The following BLTP1 variants were observed in gnomAD, a reference collection of about 807,000 sequenced individuals.
BLTP1 encodes the protein fragile site-associated protein.
chr4:122,204,027 A>G, the BLTP1 span: 270 of 191,334 alleles, frequency 1.4e-3, 7 homozygotes, highest in South Asian at 0.047. Flanking sequence ...GATAAAATAC[A>G]ACCAATATAC....
At chr4:122,333,598 TAA>T in the BLTP1 span, 5 of 1,549,098 alleles carry the variant, frequency 3.2e-6, no homozygotes, top group Non-Finnish European at 4.3e-6. Context: ...TGTCATTTTT[TAA>T]AAAGATAAGA....
chr4:122,357,284 T>TG, the BLTP1 span, among the ~76,000 whole-genome samples: 411 of 152,216 alleles, frequency 2.7e-3, 2 homozygotes, highest in African/African-American at 9.5e-3. Flanking sequence ...GTATGGTGGC[T>TG]GGGGGCGGTG....
the BLTP1 span, among the ~76,000 whole-genome samples, chr4:122,215,072 C>A: frequency 6.6e-6 from 1 of 152,158 alleles, no homozygotes; most frequent in African/African-American, 2.4e-5. Context: ...TCAGTAACTA[C>A]AAATGTATTA....
the BLTP1 span, chr4:122,192,086 G>A: frequency 8.5e-6 from 6 of 703,286 alleles, no homozygotes; most frequent in Non-Finnish European, 1.3e-5. Context: ...GACAATATGA[G>A]AACAACCCCT....
chr4:122,330,732 C>CT, the BLTP1 span, among the ~76,000 whole-genome samples: 1 of 151,800 alleles, frequency 6.6e-6, no homozygotes, highest in South Asian at 2.1e-4. Flanking sequence ...TCCCACTTGT[C>CT]TTTTTTTACT....
At chr4:122,152,521 A>G in the BLTP1 span, 2 of 985,844 alleles carry the variant, frequency 2.0e-6, no homozygotes, top group South Asian at 4.7e-5. Flanking sequence ...GCCGCCGCCC[A>G]AGGCCCTCGG....
At chr4:122,334,845 C>T in the BLTP1 span, among the ~76,000 whole-genome samples, 1 of 151,918 alleles carries the variant, frequency 6.6e-6, no homozygotes, top group African/African-American at 2.4e-5. Context: ...AATTTGGGAG[C>T]TTATGAGCAG....
the BLTP1 span, chr4:122,264,194 T>C: frequency 1.3e-6 from 2 of 1,498,020 alleles, no homozygotes; most frequent in Non-Finnish European, 1.8e-6. Flanking sequence ...CTGTACACTT[T>C]TATGTGTTTC....
the BLTP1 span, chr4:122,261,550 A>G: frequency 1.0e-6 from 1 of 984,214 alleles, no homozygotes; most frequent in Non-Finnish European, 1.2e-6. Flanking sequence ...ATTTTTTTTC[A>G]TTAATTGTGG....
At chr4:122,313,613 G>T in the BLTP1 span, 1 of 1,564,834 alleles carries the variant, frequency 6.4e-7, no homozygotes, top group Non-Finnish European at 8.7e-7. Flanking sequence ...TATTTTTGGG[G>T]TGATTTTTGT....
At chr4:122,340,901 C>CT in the BLTP1 span, 1 of 847,458 alleles carries the variant, frequency 1.2e-6, no homozygotes, top group Non-Finnish European at 1.4e-6. Context: ...GTGTTGTCAG[C>CT]GATAACACTA....
At chr4:122,341,583 GC>G in the BLTP1 span, 1 of 708,408 alleles carries the variant, frequency 1.4e-6, no homozygotes, top group Non-Finnish European at 1.7e-6. Context: ...AATTTTTTAT[GC>G]CCAAATTTTA....
At chr4:122,224,313 A>G in the BLTP1 span, 1 of 318,382 alleles carries the variant, frequency 3.1e-6, no homozygotes, top group East Asian at 1.7e-4. Context: ...GGTATTGTTC[A>G]TTAAAGATGC....
At chr4:122,180,151 A>G in the BLTP1 span, 2 of 985,250 alleles carry the variant, frequency 2.0e-6, no homozygotes, top group Non-Finnish European at 2.4e-6. Context: ...AGGTAAATAA[A>G]TAGTAGAAAG....
chr4:122,173,173 A>G, the BLTP1 span: 3 of 1,599,630 alleles, frequency 1.9e-6, no homozygotes, highest in South Asian at 3.4e-5. Flanking sequence ...GTTAACACTG[A>G]ATTTTTTTCT....
the BLTP1 span, among the ~76,000 whole-genome samples, chr4:122,173,684 G>T: frequency 6.6e-6 from 1 of 152,220 alleles, no homozygotes; most frequent in South Asian, 2.1e-4. Flanking sequence ...AATCTAACTG[G>T]AATTTCTCTC....
At chr4:122,280,726 C>T in the BLTP1 span, among the ~76,000 whole-genome samples, 3 of 151,104 alleles carry the variant, frequency 2.0e-5, no homozygotes, top group African/African-American at 7.3e-5. Context: ...TTTTATTTCC[C>T]ACATCCTATA....
chr4:122,169,715 A>G, the BLTP1 span: 8 of 983,204 alleles, frequency 8.1e-6, no homozygotes, highest in African/African-American at 7.0e-5. Context: ...ATATGCACAC[A>G]TATGTGTATG....
the BLTP1 span, chr4:122,276,483 T>A: frequency 1.0e-6 from 1 of 982,668 alleles, no homozygotes; most frequent in Non-Finnish European, 1.2e-6. Context: ...GTTAATAGAT[T>A]TTCATGGCCT....
Sources: allele counts gnomAD v4.1 joint callset (sites outside exome capture counted in the v4.1 genomes callset), GRCh38; gene constraint gnomAD v4.1.1; transcripts MANE v1.5; gene names NCBI Gene and HGNC (gene_info 2026-07-23, HGNC 2026-07-21).